The following PRKN variants were observed in gnomAD, a reference collection of about 807,000 sequenced individuals.
The protein encoded by PRKN is E3 ubiquitin-protein ligase parkin.
PRKN carries 56 observed loss-of-function variants against 59.5 expected under a neutral mutation model. The ratio of observed to expected loss-of-function variants is 0.94; its 90% confidence interval spans 0.76 to 1.18. The LOEUF (loss-of-function observed/expected upper bound fraction) is 1.18. PRKN is among the 50% of genes most tolerant of loss of function. PRKN has a pLI of 0.00. For synonymous variants in PRKN, 250 were observed against 222.1 expected (o/e 1.13, Z -1.12); for missense variants, 657 against 596.4 (o/e 1.10, Z -1.06).
At chr6:161,979,555 A>T (rs1188114669) in intron 5 of PRKN, among the ~76,000 whole-genome samples, 1 of 152,186 alleles carries the variant, frequency 6.6e-6, no homozygotes, top group Non-Finnish European at 1.5e-5. Flanking sequence ...AAAACAGGCA[A>T]GAGCCACTGC....
rs371680426 is a variant in PRKN, at chr6:161,430,297, C to T, written c.1084-43420G>A. Among the ~76,000 whole-genome samples the T allele has an allele frequency of 1.1e-3, 167 of 152,306 alleles. 2 individuals carry two copies. The highest frequency in any genetic ancestry group is 3.8e-3 in the African/African-American group (157 of 41,556). ...TTAATCCATCCATGAGGGTAGAGTC[C>T]TTAGGACCTAATCACTGCCTAAAGG... On this transcript the variant is annotated intron_variant, in intron 9 of 11. Transcript: ENST00000366898.
At chr6:162,064,383 G>A (rs1778239723) in intron 4 of PRKN, among the ~76,000 whole-genome samples, 1 of 127,182 alleles carries the variant, frequency 7.9e-6, no homozygotes, top group Non-Finnish European at 1.8e-5. Flanking sequence ...AGTGCATTTT[G>A]TAGAGTGTAA....
At chr6:162,272,971 G>T (rs1362683278) in intron 2 of PRKN, among the ~76,000 whole-genome samples, 2 of 139,754 alleles carry the variant, frequency 1.4e-5, no homozygotes, top group Non-Finnish European at 3.0e-5. Context: ...CTGCACTCCA[G>T]CCTGGGTGAC....
rs369194316 is a variant in PRKN at position 162,242,416 on chromosome 6, T to A, written c.412+20109A>T. On this transcript the variant is annotated intron_variant, in intron 3 of 11. Coordinates refer to ENST00000366898, the MANE Select transcript of PRKN (RefSeq NM_004562.3). ...AGCAGACTGCCTAACATGAACCTCT[T>A]AGTAGTCAGAGCGACATATGCTATT... Among the ~76,000 whole-genome samples, 104 of 152,232 alleles carry A rather than the reference T, an allele frequency of 6.8e-4. 2 individuals carry two copies. The South Asian group carries it at 0.02, about 29-fold the overall frequency.
rs534032225 is a variant in PRKN at position 161,359,254 on chromosome 6, C to T, written c.1285+834G>A. ...TTGTACTGAGCTAAGCCAGCACCTG[C>T]GGCTCTGGGATGTGTTCAAGCACCG... On this transcript the variant is annotated intron_variant, in intron 11 of 11. Transcript: ENST00000366898. This position sits in a 1 kb window ranked among gnomAD's most constrained non-coding sequence, Gnocchi z 5.4. Among the ~76,000 whole-genome samples, 3 of 152,290 alleles carry T rather than the reference C, an allele frequency of 2.0e-5. No individual in the cohort carries two copies. The highest frequency in any genetic ancestry group is 3.9e-4 in the East Asian group (2 of 5,182).
intron 6 of PRKN, among the ~76,000 whole-genome samples, chr6:161,816,452 A>G (rs566275821): frequency 8.7e-4 from 133 of 152,276 alleles, no homozygotes; most frequent in Middle Eastern, 6.8e-3. Flanking sequence ...TTACCGGTGT[A>G]TACATGTATC....
intron 1 of PRKN, among the ~76,000 whole-genome samples, chr6:162,697,782 C>T (rs770055760): frequency 6.6e-6 from 1 of 152,092 alleles, no homozygotes; most frequent in Non-Finnish European, 1.5e-5. Context: ...TTGAAAATAC[C>T]ATTTTTTAGA....
At position 161,444,736 on chromosome 6, in the gene PRKN, A is replaced by G. The variant is rs1211996802; in HGVS notation, c.1084-57859T>C. Reference sequence around the variant, plus strand: ...GCGGTGGAAACATTTGTTCCCCTTGATGAATGAAACGGCACTCTTGACATG... The same window carrying G: ...GCGGTGGAAACATTTGTTCCCCTTGGTGAATGAAACGGCACTCTTGACATG... On this transcript the variant is annotated intron_variant, in intron 9 of 11. Coordinates refer to ENST00000366898, the MANE Select transcript of PRKN (RefSeq NM_004562.3). The surrounding 1 kb of genome is among the most constrained non-coding windows in gnomAD (Gnocchi z 5.6). Among the ~76,000 whole-genome samples the G allele has an allele frequency of 6.6e-6, 1 of 152,226 alleles. No individual in the cohort carries two copies. Among genetic ancestry groups the G allele is most frequent in the African/African-American group, 2.4e-5 (1 of 41,472 alleles).
chr6:162,640,212 T>C (rs563950375), intron 1 of PRKN, among the ~76,000 whole-genome samples: 1 of 152,184 alleles, frequency 6.6e-6, no homozygotes, highest in Non-Finnish European at 1.5e-5. Flanking sequence ...AGAACAGGCT[T>C]CCAACTAAGA....
chr6:162,025,582 G>GTTTTTTTTTTT (rs1562468782), intron 5 of PRKN, among the ~76,000 whole-genome samples: 1 of 30,156 alleles, frequency 3.3e-5, no homozygotes, highest in African/African-American at 2.2e-4. Context: ...TATCCATGGT[G>GTTTTTTTTTTT]CTTTTTTTTT....
rs1464081754 is a variant in PRKN at position 161,350,102 on chromosome 6, C to T, written c.1395G>A (p.Val465=). 2 of 1,610,874 alleles carry T rather than the reference C, an allele frequency of 1.2e-6. No individual in the cohort carries two copies. The highest frequency in any genetic ancestry group is 1.7e-6 in the Non-Finnish European group (2 of 1,177,620). Residue 465 remains valine (V), a synonymous_variant, in exon 12 of 12, where the codon GTG becomes GTA. Transcript: ENST00000366898. ...ATGGGGCGCCCGGCCGCCCTGGCTA[C>T]ACGTCGAACCAGTGGTCCCCCATGC... is the stretch of plus-strand genomic sequence containing the variant. The part of the protein sequence containing the change: ...RVCMGDHWFD[V]
At chr6:161,936,150 A>G (rs1281918636) in intron 6 of PRKN, among the ~76,000 whole-genome samples, 1 of 152,170 alleles carries the variant, frequency 6.6e-6, no homozygotes, top group Non-Finnish European at 1.5e-5. Flanking sequence ...ATGGCTACCA[A>G]AAGGTGGAAG....
chr6:161,696,466 T>A (rs1211225697), intron 7 of PRKN, among the ~76,000 whole-genome samples: 2 of 152,226 alleles, frequency 1.3e-5, no homozygotes, highest in Non-Finnish European at 2.9e-5. Flanking sequence ...GTTTTCAACA[T>A]GCCAGATGTC....
At chr6:162,657,241 T>C (rs192577357) in intron 1 of PRKN, among the ~76,000 whole-genome samples, 718 of 152,176 alleles carry the variant, frequency 4.7e-3, no homozygotes, top group Non-Finnish European at 8.0e-3. Context: ...TACAGAAGAG[T>C]TGGCTCCTAA....
chr6:161,500,864 G>GTTTTTTTTTTTT (rs373088841), intron 9 of PRKN, among the ~76,000 whole-genome samples: 1 of 132,542 alleles, frequency 7.5e-6, no homozygotes. Flanking sequence ...GTTTAGTTTA[G>GTTTTTTTTTTTT]TTTTTTTTTT....
chr6:162,229,989 C>T (rs1011863821), intron 3 of PRKN, among the ~76,000 whole-genome samples: 2 of 152,160 alleles, frequency 1.3e-5, no homozygotes, highest in African/African-American at 4.8e-5. Flanking sequence ...AACCACTCCG[C>T]CACAGAGCCT....
chr6:161,874,981 T>TA (rs1438764991), intron 6 of PRKN, among the ~76,000 whole-genome samples: 1 of 82,418 alleles, frequency 1.2e-5, no homozygotes, highest in Non-Finnish European at 2.0e-5. Context: ...ATTTATTATA[T>TA]TATATACTTT....
chr6:162,185,401 A>C (rs2128324450), intron 4 of PRKN, among the ~76,000 whole-genome samples: 1 of 152,336 alleles, frequency 6.6e-6, no homozygotes, highest in South Asian at 2.1e-4. Context: ...GGAAACAAAA[A>C]CTTACGGCTG....
intron 2 of PRKN, among the ~76,000 whole-genome samples, chr6:162,385,178 C>T: frequency 6.6e-6 from 1 of 151,996 alleles, no homozygotes; most frequent in Non-Finnish European, 1.5e-5. Context: ...GGAGTATGTC[C>T]CCATTCCCTC....
Sources: allele counts gnomAD v4.1 joint callset (sites outside exome capture counted in the v4.1 genomes callset), GRCh38; gene constraint gnomAD v4.1.1; non-coding constraint Gnocchi (gnomAD v3.1); transcripts MANE v1.5; gene names NCBI Gene and HGNC (gene_info 2026-07-23, HGNC 2026-07-21).